Variants in SDCBP2 observed in about 807,000 individuals in gnomAD.
SDCBP2 encodes syndecan binding protein 2.
A neutral mutation model predicts 30.7 loss-of-function variants in SDCBP2; 28 were observed. The ratio of observed to expected loss-of-function variants is 0.91; its 90% CI spans 0.68 to 1.25. The LOEUF (loss-of-function observed/expected upper bound fraction) is 1.25, where lower values mean the gene tolerates loss of function less well. Ranked by LOEUF, SDCBP2 falls within the 50% of genes most tolerant of loss-of-function variation. The pLI is 0.00. For synonymous variants in SDCBP2, 166 were observed against 157.3 expected, an observed-to-expected ratio of 1.06 and a Z score of -0.41; for missense variants, 399 against 379.0, an observed-to-expected ratio of 1.05 and a Z score of -0.44.
intron 7 of SDCBP2, 58 bp downstream of exon 7, chr20:1,312,279 A>G: frequency 1.3e-6 from 2 of 1,563,508 alleles, no homozygotes; most frequent in Non-Finnish European, 1.7e-6. Flanking sequence ...CAAGCTGCCC[A>G]AAGACCTGAG....
rs146947582 is a variant in SDCBP2, at chr20:1,312,718, A to G, written c.429T>C (p.Leu143=). Residue 143 remains leucine, a synonymous_variant, in exon 6 of 9, where the codon CTT becomes CTC. Transcript: ENST00000360779. ...GCTGGTCCCCAAAGCGCAGCCCCAC[A>G]AGGGATGCAGGGGTGTTGGCCTGGA... The part of the protein sequence containing the change: ...QLVQANTPAS[L]VGLRFGDQLL... 1.5e-5 allele frequency: 25 copies of G among 1,613,778 alleles called. No individual in the cohort carries two copies. The highest frequency in any genetic ancestry group is 1.9e-5 in the Non-Finnish European group (22 of 1,179,976).
chr20:1,310,423 C>T lies in SDCBP2; in HGVS notation c.*18G>A. On this transcript the variant is annotated 3_prime_UTR_variant, in exon 9 of 9. Transcript: ENST00000360779. ...GAGGGCGGGAAGCCCCCCCTGCCTGCCCTGCCCTGCAGTGGCTTCAGGCAT... is the reference window on the plus strand; with the variant it reads ...GAGGGCGGGAAGCCCCCCCTGCCTGTCCTGCCCTGCAGTGGCTTCAGGCAT... 3 of 1,612,476 alleles carry T rather than the reference C, an allele frequency of 1.9e-6. No homozygotes were observed. Among genetic ancestry groups the T allele is most frequent in the Non-Finnish European group, 2.5e-6 (3 of 1,179,504 alleles).
Position 1,320,954 on chromosome 20 carries a change from A to G in SDCBP2, c.-19-519T>C, listed in dbSNP as rs6109437. 0.12 allele frequency: 18,527 copies of G among 152,338 alleles called. 1,318 individuals are homozygous for G. Among genetic ancestry groups the G allele is most frequent in the African/African-American group, 0.19 (7,699 of 41,446 alleles). The allele number at this position is 152,338 out of a possible 1,614,324, so 9.4% of individuals were successfully genotyped here. Reference sequence around the variant, plus strand: ...CTGCCTTTCTGGGTTCCTTCCCTTTACTCACTAACCACTGGCTCTGTCACA... The same window carrying G: ...CTGCCTTTCTGGGTTCCTTCCCTTTGCTCACTAACCACTGGCTCTGTCACA... On this transcript the variant is annotated intron_variant, in intron 1 of 8. Transcript: ENST00000360779. This position sits in a 1 kb window ranked among gnomAD's most constrained non-coding sequence, Gnocchi z 4.7.
At chr20:1,328,321 T>G (rs1215695736) in intron 1 of SDCBP2, among the ~76,000 whole-genome samples, 1 of 151,672 alleles carries the variant, frequency 6.6e-6, no homozygotes, top group Non-Finnish European at 1.5e-5. Context: ...GGTCCAAGGG[T>G]TATTTTGACA....
chr20:1,322,592 G>A (rs2088863418), intron 1 of SDCBP2: 2 of 152,108 alleles, frequency 1.3e-5, no homozygotes, highest in African/African-American at 4.8e-5. Context: ...ATTATTTTGA[G>A]ACAGAGTCTC....
At chr20:1,311,952 TGCAGTGGC>T (rs1219507457) in intron 7 of SDCBP2, among the ~76,000 whole-genome samples, 1 of 141,406 alleles carries the variant, frequency 7.1e-6, no homozygotes, top group Non-Finnish European at 1.5e-5. Flanking sequence ...CAGGCTGGAG[TGCAGTGGC>T]ATGATCATAG....
At position 1,313,937 on chromosome 20, in the gene SDCBP2, A is replaced by G. The variant is rs1420566693; in HGVS notation, c.226-439T>C. Among the ~76,000 whole-genome samples, 3 of 152,184 alleles carry G rather than the reference A, an allele frequency of 2.0e-5. No homozygotes were observed. Among genetic ancestry groups the G allele is most frequent in the Admixed American group, 6.5e-5 (1 of 15,286 alleles). On this transcript the variant is annotated intron_variant, in intron 4 of 8. Transcript: ENST00000360779. The surrounding 1 kb of genome is among the most constrained non-coding windows in gnomAD (Gnocchi z 5.2). ...CAAGGAACTTCACTCTCCCAACACT[A>G]TTAAAGATGGTACTGGAAGACCTAG...
intron 1 of SDCBP2, among the ~76,000 whole-genome samples, chr20:1,327,189 T>C (rs1042732207): frequency 2.0e-5 from 3 of 152,210 alleles, no homozygotes; most frequent in Non-Finnish European, 4.4e-5. Context: ...TTTCCATCCC[T>C]GAGCTTCTGT....
rs1003646723 is a variant in SDCBP2, at chr20:1,321,229, C to T, written c.-19-794G>A. 1 of 152,268 alleles carries T rather than the reference C, an allele frequency of 6.6e-6. No homozygotes were observed. Among genetic ancestry groups the T allele is most frequent in the Non-Finnish European group, 1.5e-5 (1 of 68,084 alleles). The allele number at this position is 152,268 out of a possible 1,614,324, so 9.4% of individuals were successfully genotyped here. A position where few individuals can be genotyped will look rare whatever the true frequency, so the allele number is the denominator to read the frequency against. On this transcript the variant is annotated intron_variant, in intron 1 of 8. Coordinates refer to ENST00000360779, the MANE Select transcript of SDCBP2 (RefSeq NM_080489.5). The surrounding 1 kb of genome is among the most constrained non-coding windows in gnomAD (Gnocchi z 5.2). ...TGTCCTATTCACCCCACTGAACTCA[C>T]ATGTGATGGGTACACATGATAAAGG...
chr20:1,313,700 T>G lies in SDCBP2; in HGVS notation c.226-202A>C. Reference sequence around the variant, plus strand: ...CTAGGGGGCGTCAAAGTCCATGCCCTTAAAAAGCCAGGAAAACGGGGAGGG... The same window carrying G: ...CTAGGGGGCGTCAAAGTCCATGCCCGTAAAAAGCCAGGAAAACGGGGAGGG... On this transcript the variant is annotated intron_variant, in intron 4 of 8. Transcript: ENST00000360779. The surrounding 1 kb of genome is among the most constrained non-coding windows in gnomAD (Gnocchi z 5.2). 7.5e-7 allele frequency: 1 copy of G among 1,327,064 alleles called. No individual in the cohort carries two copies. The highest frequency in any genetic ancestry group is 9.6e-7 in the Non-Finnish European group (1 of 1,037,060). 82.2% of individuals were successfully genotyped at this position (1,327,064 alleles called of 1,614,324 possible). A position where few individuals can be genotyped will look rare whatever the true frequency, so the allele number is the denominator to read the frequency against.
chr20:1,311,358 ATCC>A (rs887173436), intron 7 of SDCBP2, among the ~76,000 whole-genome samples: 1 of 152,198 alleles, frequency 6.6e-6, no homozygotes, highest in African/African-American at 2.4e-5. Context: ...GGCCATAAGG[ATCC>A]TCCTCCTCTT....
Position 1,310,334 on chromosome 20 carries a change from C to T in SDCBP2, c.*107G>A. On this transcript the variant is annotated 3_prime_UTR_variant, in exon 9 of 9. Coordinates refer to ENST00000360779, the MANE Select transcript of SDCBP2 (RefSeq NM_080489.5). ...CCTGGACACGCCCCCCTCATGGCAG[C>T]CCCCACCTTAAGCAGCAGGCCGGCT... 3.4e-6 allele frequency: 4 copies of T among 1,178,208 alleles called. No homozygotes were observed. Among genetic ancestry groups the T allele is most frequent in the East Asian group, 2.4e-5 (1 of 42,284 alleles). 73.0% of individuals were successfully genotyped at this position (1,178,208 alleles called of 1,614,324 possible).
Position 1,313,515 on chromosome 20 carries a change from G to T in SDCBP2, c.226-17C>A, listed in dbSNP as rs772836470. On this transcript the variant is annotated splice_polypyrimidine_tract_variant and intron_variant, in intron 4 of 8. Transcript: ENST00000360779. The surrounding 1 kb of genome is among the most constrained non-coding windows in gnomAD (Gnocchi z 5.2). ...GACCGCTGTCTGCAGACACCAGGGG[G>T]CAGGGGGTCAGCCCGGCCCGTGGGG... The T allele has an allele frequency of 6.4e-7, 1 of 1,568,856 alleles. No individual in the cohort carries two copies. Among genetic ancestry groups the T allele is most frequent in the East Asian group, 2.3e-5 (1 of 43,394 alleles).
chr20:1,325,939 G>A (rs2088919165), intron 1 of SDCBP2: 1 of 152,192 alleles, frequency 6.6e-6, no homozygotes, highest in Admixed American at 6.5e-5. Context: ...GAGTGACTGG[G>A]CTTCTGCTGC....
chr20:1,310,425 C>G lies in SDCBP2; in HGVS notation c.*16G>C, dbSNP rs752602483. 1 of 1,612,858 alleles carries G rather than the reference C, an allele frequency of 6.2e-7. No individual in the cohort carries two copies. The highest frequency in any genetic ancestry group is 1.1e-5 in the South Asian group (1 of 91,046). On this transcript the variant is annotated 3_prime_UTR_variant, in exon 9 of 9. Coordinates refer to ENST00000360779, the MANE Select transcript of SDCBP2 (RefSeq NM_080489.5). Reference sequence around the variant, plus strand: ...GGGCGGGAAGCCCCCCCTGCCTGCCCTGCCCTGCAGTGGCTTCAGGCATCT... The same window carrying G: ...GGGCGGGAAGCCCCCCCTGCCTGCCGTGCCCTGCAGTGGCTTCAGGCATCT...
intron 4 of SDCBP2, 178 bp downstream of exon 4, chr20:1,318,140 A>C (rs756152024): frequency 3.1e-6 from 2 of 644,218 alleles, no homozygotes. Context: ...GAAAGCCCAC[A>C]GTGGTTTTCG....
chr20:1,317,547 G>A (rs2088795322), intron 4 of SDCBP2: 1 of 153,982 alleles, frequency 6.5e-6, no homozygotes. Flanking sequence ...CGACCATGAA[G>A]GGGGCCACTG....
At chr20:1,323,188 T>C (rs2088870999) in intron 1 of SDCBP2, 1 of 152,174 alleles carries the variant, frequency 6.6e-6, no homozygotes, top group Non-Finnish European at 1.5e-5. Context: ...AGGAATTTCC[T>C]GGGAGGGGAG....
Position 1,320,495 on chromosome 20 carries a change from G to T in SDCBP2, c.-19-60C>A. 7.4e-7 allele frequency: 1 copy of T among 1,349,696 alleles called. No individual in the cohort carries two copies. 83.6% of individuals were successfully genotyped at this position (1,349,696 alleles called of 1,614,324 possible). A position where few individuals can be genotyped will look rare whatever the true frequency, so the allele number is the denominator to read the frequency against. On this transcript the variant is annotated intron_variant, in intron 1 of 8. Coordinates refer to ENST00000360779, the MANE Select transcript of SDCBP2 (RefSeq NM_080489.5). This position sits in a 1 kb window ranked among gnomAD's most constrained non-coding sequence, Gnocchi z 4.7. ...GCAGCTGATGCCCCCTTGAAAGGAG[G>T]CACAGACATCCGCAACAGCAAGCGG... is the stretch of plus-strand genomic sequence containing the variant.
Sources: allele counts gnomAD v4.1 joint callset (sites outside exome capture counted in the v4.1 genomes callset), GRCh38; gene constraint gnomAD v4.1.1; non-coding constraint Gnocchi (gnomAD v3.1); transcripts MANE v1.5; gene names NCBI Gene and HGNC (gene_info 2026-07-23, HGNC 2026-07-21).